The following FAM81A variants were observed in gnomAD, a reference collection of about 807,000 sequenced individuals.
FAM81A encodes the protein family with sequence similarity 81 member A, also known as protein FAM81A.
A neutral mutation model predicts 46.7 loss-of-function variants in FAM81A; 19 were observed. The observed-to-expected ratio is 0.41, with a 90% CI of 0.28 to 0.60. The LOEUF is 0.60. FAM81A is among the 20% of genes least tolerant of loss of function. The pLI, the probability that FAM81A is intolerant of heterozygous loss-of-function variation, is 0.34. For synonymous variants in FAM81A, 183 were observed against 152.9 expected (o/e 1.20, Z -1.45); for missense variants, 377 against 453.5 (o/e 0.83, Z 1.53).
At chr15:59,432,950 A>G (rs1398327937) in intron 2 of FAM81A, among the ~76,000 whole-genome samples, 2 of 148,802 alleles carry the variant, frequency 1.3e-5, no homozygotes, top group Non-Finnish European at 3.0e-5. Flanking sequence ...CCTCCCTAAC[A>G]CGGTGAAACC....
At chr15:59,444,143 A>G (rs7180641) in intron 1 of FAM81A, 43,715 of 152,186 alleles carry the variant, frequency 0.29, 8,039 homozygotes, top group African/African-American at 0.49. Context: ...CCTGCAGCGC[A>G]GGGGCTGTGT....
At position 59,492,918 on chromosome 15, in the gene FAM81A, A is replaced by C. The variant is rs143234408; in HGVS notation, c.413+529A>C. Among the ~76,000 whole-genome samples, 1,015 of 152,238 alleles carry C rather than the reference A, an allele frequency of 6.7e-3. 18 individuals are homozygous for C. The highest frequency in any genetic ancestry group is 0.024 in the African/African-American group (986 of 41,550). On this transcript the variant is annotated intron_variant, in intron 4 of 8. Transcript: ENST00000288228. ...ACTGTCTCCAGCCCACCCTGCAACT[A>C]CTGAGTTAGAATCTGCATTTTAACA...
intron 3 of FAM81A, among the ~76,000 whole-genome samples, chr15:59,472,704 C>G (rs1221607733): frequency 6.6e-6 from 1 of 152,078 alleles, no homozygotes; most frequent in Non-Finnish European, 1.5e-5. Flanking sequence ...GCACAGGCCA[C>G]CATGCCCAGC....
chr15:59,502,955 A>G (rs371590944), intron 4 of FAM81A, among the ~76,000 whole-genome samples: 1 of 152,106 alleles, frequency 6.6e-6, no homozygotes, highest in Non-Finnish European at 1.5e-5. Context: ...AATTAAATAT[A>G]CAAAATAAAA....
chr15:59,461,304 CTTTT>C (rs1253280853), intron 3 of FAM81A, among the ~76,000 whole-genome samples: 6 of 151,846 alleles, frequency 4.0e-5, no homozygotes, highest in African/African-American at 1.2e-4. Context: ...CCTTTTCTTT[CTTTT>C]TGTTTGTTTG....
chr15:59,472,923 T>G (rs1337581287), intron 3 of FAM81A, among the ~76,000 whole-genome samples: 1 of 152,200 alleles, frequency 6.6e-6, no homozygotes, highest in African/African-American at 2.4e-5. Context: ...TTCAGTTTTA[T>G]TTTTGGGTGC....
At chr15:59,403,602 C>T (rs2140464474) in intron 2 of FAM81A, among the ~76,000 whole-genome samples, 1 of 152,262 alleles carries the variant, frequency 6.6e-6, no homozygotes, top group Non-Finnish European at 1.5e-5. Flanking sequence ...CCTCTCTATG[C>T]CCTAGTTCCT....
At chr15:59,466,852 A>G (rs1466014475) in intron 3 of FAM81A, among the ~76,000 whole-genome samples, 3 of 152,174 alleles carry the variant, frequency 2.0e-5, no homozygotes, top group Admixed American at 2.0e-4. Flanking sequence ...CTAACATTTA[A>G]GTCTTTAATC....
chr15:59,514,645 T>C (rs2082248164), intron 7 of FAM81A, among the ~76,000 whole-genome samples: 1 of 152,246 alleles, frequency 6.6e-6, no homozygotes, highest in Non-Finnish European at 1.5e-5. Flanking sequence ...AAAATTTCAG[T>C]ACTTTCAGTT....
At position 59,516,582 on chromosome 15, in the gene FAM81A, A is replaced by T. The variant is rs1596550247; in HGVS notation, c.787-63A>T. ...TTGTTGTTAAACGATATTATGGCTG[A>T]TGTGAATGCAATGCAGATTTCTTTT... is the stretch of plus-strand genomic sequence containing the variant. On this transcript the variant is annotated intron_variant, in intron 7 of 8. Coordinates refer to ENST00000288228, the MANE Select transcript of FAM81A (RefSeq NM_152450.3). 4 of 1,501,326 alleles carry T rather than the reference A, an allele frequency of 2.7e-6. No individual in the cohort carries two copies. The Admixed American group carries it at 6.5e-5, about 24-fold the overall frequency. The allele number at this position is 1,501,326 out of a possible 1,614,324, so 93.0% of individuals were successfully genotyped here. A position where few individuals can be genotyped will look rare whatever the true frequency, so the allele number is the denominator to read the frequency against.
chr15:59,433,129 A>G (rs1189104810), intron 2 of FAM81A, among the ~76,000 whole-genome samples: 5 of 76,600 alleles, frequency 6.5e-5, no homozygotes, highest in Admixed American at 5.1e-4. Flanking sequence ...GCACAGAGCG[A>G]GACTCCGTCT....
chr15:59,456,856 TG>T (rs2141632003), intron 1 of FAM81A, among the ~76,000 whole-genome samples: 1 of 152,332 alleles, frequency 6.6e-6, no homozygotes, highest in East Asian at 1.9e-4. Context: ...CCCAAAGTGC[TG>T]GGATTACAGG....
intron 2 of FAM81A, among the ~76,000 whole-genome samples, chr15:59,409,624 G>A (rs1200757997): frequency 6.6e-6 from 1 of 152,182 alleles, no homozygotes. Flanking sequence ...GTGAAAAAAA[G>A]CCAGTTTTCG....
chr15:59,446,145 T>G (rs1358881113), intron 1 of FAM81A, among the ~76,000 whole-genome samples: 1 of 152,040 alleles, frequency 6.6e-6, no homozygotes, highest in Non-Finnish European at 1.5e-5. Flanking sequence ...TCGTGGAGAT[T>G]ACAGGTTCAT....
intron 1 of FAM81A, among the ~76,000 whole-genome samples, chr15:59,457,301 C>A (rs2081496845): frequency 6.6e-6 from 1 of 152,190 alleles, no homozygotes; most frequent in Non-Finnish European, 1.5e-5. Flanking sequence ...TCCAGCATAT[C>A]CACACCATGT....
intron 3 of FAM81A, among the ~76,000 whole-genome samples, chr15:59,486,121 G>A (rs1251816983): frequency 6.6e-6 from 1 of 152,132 alleles, no homozygotes; most frequent in African/African-American, 2.4e-5. Context: ...AGAGGTTGCA[G>A]TAAACCAAGA....
chr15:59,433,272 A>G (rs1348197917), upstream of FAM81A, among the ~76,000 whole-genome samples: 5 of 151,922 alleles, frequency 3.3e-5, no homozygotes, highest in African/African-American at 1.2e-4. Flanking sequence ...TCTGGCCACA[A>G]ACTCTTTGTA....
intron 3 of FAM81A, among the ~76,000 whole-genome samples, chr15:59,463,656 A>C (rs2081578760): frequency 6.6e-6 from 1 of 152,104 alleles, no homozygotes; most frequent in Non-Finnish European, 1.5e-5. Flanking sequence ...CAGCCTGAGC[A>C]ACATAGTGAG....
chr15:59,403,625 T>G (rs1211636601), intron 2 of FAM81A, among the ~76,000 whole-genome samples: 2 of 152,218 alleles, frequency 1.3e-5, no homozygotes, highest in African/African-American at 4.8e-5. Context: ...GGTTATTTTA[T>G]GGAAGTGTTA....
Sources: allele counts gnomAD v4.1 joint callset (sites outside exome capture counted in the v4.1 genomes callset), GRCh38; gene constraint gnomAD v4.1.1; transcripts MANE v1.5; gene names NCBI Gene and HGNC (gene_info 2026-07-23, HGNC 2026-07-21).